Variants in PSEN1 observed in about 807,000 individuals in gnomAD.
PSEN1 encodes presenilin-1.
Under a neutral mutation model 53.5 loss-of-function variants are expected in PSEN1, and 15 were observed. The ratio of observed to expected loss-of-function variants is 0.28; its 90% CI spans 0.19 to 0.43. The LOEUF (loss-of-function observed/expected upper bound fraction) is 0.43. Ranked by LOEUF, PSEN1 falls within the 20% of genes least tolerant of loss-of-function variation. PSEN1 has a pLI of 1.00. For synonymous variants in PSEN1, 208 were observed against 209.8 expected (o/e 0.99, Z 0.08); for missense variants, 387 against 571.2 (o/e 0.68, Z 3.29).
chr14:73,183,269 C>T (rs985248728), intron 5 of PSEN1, among the ~76,000 whole-genome samples: 1 of 151,852 alleles, frequency 6.6e-6, no homozygotes, highest in African/African-American at 2.4e-5. Context: ...AGGTGTGTGC[C>T]ACTATGTCTG....
At chr14:73,148,247 A>G in intron 3 of PSEN1, 141 bp downstream of exon 3, 2 of 740,872 alleles carry the variant, frequency 2.7e-6, no homozygotes, top group South Asian at 3.0e-5. Flanking sequence ...ACTTCAGCTG[A>G]TTGCTGGAGG....
intron 6 of PSEN1, among the ~76,000 whole-genome samples, chr14:73,191,429 C>T (rs17125457): frequency 0.17 from 25,395 of 152,028 alleles, 2,817 homozygotes; most frequent in East Asian, 0.42. Flanking sequence ...ATTCTTCTCC[C>T]GCTTTGAAGG....
intron 3 of PSEN1, among the ~76,000 whole-genome samples, chr14:73,165,265 C>CT (rs1897675776): frequency 6.6e-6 from 1 of 152,032 alleles, no homozygotes; most frequent in South Asian, 2.1e-4. Context: ...CCAAACTGTG[C>CT]TTTTTTTAAA....
intron 5 of PSEN1, among the ~76,000 whole-genome samples, chr14:73,185,969 G>T (rs1343897654): frequency 6.6e-6 from 1 of 152,168 alleles, no homozygotes; most frequent in Non-Finnish European, 1.5e-5. Context: ...ATATATGGGT[G>T]TTCACTGTAA....
intron 1 of PSEN1, chr14:73,138,112 G>A (rs779172731): frequency 6.6e-6 from 1 of 151,376 alleles, no homozygotes; most frequent in Non-Finnish European, 1.5e-5. Flanking sequence ...TGGAGAAAAG[G>A]CATACAAATT....
intron 9 of PSEN1, among the ~76,000 whole-genome samples, chr14:73,208,591 C>G (rs1317581385): frequency 6.6e-6 from 1 of 152,222 alleles, no homozygotes; most frequent in Admixed American, 6.5e-5. Flanking sequence ...TAGCTTCTTT[C>G]TGCAGGCAGG....
chr14:73,223,133 C>T lies in PSEN1; in HGVS notation c.*3844C>T, dbSNP rs1882672183. On this transcript the variant is annotated 3_prime_UTR_variant, in exon 12 of 12. Coordinates refer to ENST00000324501, the MANE Select transcript of PSEN1 (RefSeq NM_000021.4). ...CAAAGCTGTCATCGGGCTCACAGCT[C>T]AGAGACATCTGCATGTGATCATCTG... 6.6e-6 allele frequency: 1 copy of T among 152,252 alleles called. No homozygotes were observed. The highest frequency in any genetic ancestry group is 1.5e-5 in the Non-Finnish European group (1 of 68,048). 9.4% of individuals were successfully genotyped at this position (152,252 alleles called of 1,614,324 possible).
Position 73,191,153 on chromosome 14 carries a change from A to T in PSEN1, c.549-1491A>T, listed in dbSNP as rs79524837. 5.0e-3 allele frequency among the ~76,000 whole-genome samples: 764 copies of T among 152,294 alleles called. 5 individuals are homozygous for T. Among genetic ancestry groups the T allele is most frequent in the African/African-American group, 0.017 (687 of 41,550 alleles). Reference sequence around the variant, plus strand: ...AATACTTAACATTCATTGTTTTTTTAAAAAAGACATTATATAAGATTATAA... The same window carrying T: ...AATACTTAACATTCATTGTTTTTTTTAAAAAGACATTATATAAGATTATAA... On this transcript the variant is annotated intron_variant, in intron 6 of 11. Transcript: ENST00000324501.
At position 73,148,005 on chromosome 14, in the gene PSEN1, T is replaced by C. The variant is rs1566617457; in HGVS notation, c.-15T>C. ...TTTGTTTTCTGTGAAACAGTATTTC[T>C]ATACAGTTGCTCCAATGACAGAGTT... is the stretch of plus-strand genomic sequence containing the variant. On this transcript the variant is annotated 5_prime_UTR_variant, in exon 3 of 12. Transcript: ENST00000324501. 6.3e-7 allele frequency: 1 copy of C among 1,598,610 alleles called. No homozygotes were observed. The highest frequency in any genetic ancestry group is 8.6e-7 in the Non-Finnish European group (1 of 1,165,802).
chr14:73,150,929 G>T (rs142413545), intron 3 of PSEN1, among the ~76,000 whole-genome samples: 12 of 151,986 alleles, frequency 7.9e-5, no homozygotes, highest in African/African-American at 2.7e-4. Context: ...TTAGCTGGGC[G>T]TGGTGACACG....
intron 5 of PSEN1, among the ~76,000 whole-genome samples, chr14:73,178,950 C>T (rs1262101696): frequency 2.0e-5 from 3 of 152,094 alleles, no homozygotes; most frequent in South Asian, 2.1e-4. Context: ...ATTTGTAATT[C>T]GGTTGTCAGG....
At chr14:73,189,003 C>G (rs1403381545) in intron 6 of PSEN1, among the ~76,000 whole-genome samples, 1 of 151,980 alleles carries the variant, frequency 6.6e-6, no homozygotes, top group Non-Finnish European at 1.5e-5. Context: ...GTTGGCCAGG[C>G]TGTTCTCAAA....
chr14:73,171,125 C>T (rs1324091859), intron 4 of PSEN1, 78 bp downstream of exon 4: 1 of 1,557,900 alleles, frequency 6.4e-7, no homozygotes, highest in Non-Finnish European at 8.8e-7. Context: ...ACCTTGAAGG[C>T]CTCTGCATTG....
chr14:73,184,131 A>G (rs867533342), intron 5 of PSEN1, among the ~76,000 whole-genome samples: 4,751 of 55,498 alleles, frequency 0.086, 828 homozygotes, highest in African/African-American at 0.23. Flanking sequence ...CCTCCCGGAC[A>G]GGGCGGCTGG....
chr14:73,160,900 C>T (rs61986883), intron 3 of PSEN1, among the ~76,000 whole-genome samples: 8,068 of 145,792 alleles, frequency 0.055, 315 homozygotes, highest in Non-Finnish European at 0.088. Flanking sequence ...CTCCACCTGC[C>T]GGGTTCATGC....
chr14:73,219,445 C>A lies in PSEN1; in HGVS notation c.*156C>A. On this transcript the variant is annotated 3_prime_UTR_variant, in exon 12 of 12. Coordinates refer to ENST00000324501, the MANE Select transcript of PSEN1 (RefSeq NM_000021.4). ...TCCAAGTCTTCCTGACCACCTTGCA[C>A]TATTGGACTTTGGAAGGAGGTGCCT... 1 of 832,756 alleles carries A rather than the reference C, an allele frequency of 1.2e-6. No individual in the cohort carries two copies. Among genetic ancestry groups the A allele is most frequent in the Non-Finnish European group, 2.0e-6 (1 of 503,250 alleles). 51.6% of individuals were successfully genotyped at this position (832,756 alleles called of 1,614,324 possible).
intron 3 of PSEN1, chr14:73,159,975 A>G (rs1297577267): frequency 5.0e-5 from 10 of 199,838 alleles, no homozygotes; most frequent in Admixed American, 2.1e-4. Context: ...GGTGCACTCT[A>G]TCATGCCTCG....
intron 10 of PSEN1, among the ~76,000 whole-genome samples, chr14:73,213,081 A>G (rs1594755434): frequency 1.3e-5 from 2 of 152,274 alleles, no homozygotes; most frequent in East Asian, 3.9e-4. Context: ...CATGTTCATG[A>G]CTTTACTGCT....
At chr14:73,147,144 C>A (rs970196241) in intron 1 of PSEN1, among the ~76,000 whole-genome samples, 1 of 151,996 alleles carries the variant, frequency 6.6e-6, no homozygotes, top group Non-Finnish European at 1.5e-5. Context: ...CGCCACCACA[C>A]CCGGCTAATT....
Sources: allele counts gnomAD v4.1 joint callset (sites outside exome capture counted in the v4.1 genomes callset), GRCh38; gene constraint gnomAD v4.1.1; transcripts MANE v1.5; gene names NCBI Gene and HGNC (gene_info 2026-07-23, HGNC 2026-07-21).